Variants in TMEM242 observed in about 807,000 individuals in gnomAD.
The protein encoded by TMEM242 is UPF0463 transmembrane protein C6orf35.
A neutral mutation model predicts 18.2 loss-of-function variants in TMEM242; 10 were observed. That is an observed-to-expected ratio of 0.55 (90% CI 0.34 to 0.93). The LOEUF (loss-of-function observed/expected upper bound fraction) is 0.93. Among genes scored for constraint, TMEM242 ranks in the 40% least tolerant of loss-of-function variants. The pLI is 0.02. For synonymous variants in TMEM242, 57 were observed against 69.9 expected (o/e 0.81, Z 0.92); for missense variants, 186 against 175.5 (o/e 1.06, Z -0.34).
intron 3 of TMEM242, among the ~76,000 whole-genome samples, chr6:157,313,106 C>G (rs1554249619): frequency 2.0e-5 from 3 of 148,790 alleles, no homozygotes; most frequent in South Asian, 2.2e-4. Flanking sequence ...CAAAGTGTCC[C>G]AGTGTGTGCT....
At chr6:157,310,843 C>T in intron 3 of TMEM242, among the ~76,000 whole-genome samples, 1 of 139,872 alleles carries the variant, frequency 7.1e-6, no homozygotes, top group Non-Finnish European at 1.6e-5. Flanking sequence ...TCATAGTGTC[C>T]CAGTGTGCAC....
At chr6:157,307,115 G>A (rs1206745939) in intron 3 of TMEM242, among the ~76,000 whole-genome samples, 2 of 152,098 alleles carry the variant, frequency 1.3e-5, no homozygotes, top group East Asian at 1.9e-4. Context: ...CTTTTAAAAC[G>A]GAGCTTGAGG....
chr6:157,312,563 A>T (rs1554249311), intron 3 of TMEM242, among the ~76,000 whole-genome samples: 1 of 149,906 alleles, frequency 6.7e-6, no homozygotes, highest in Non-Finnish European at 1.5e-5. Context: ...ATAGTGCCCC[A>T]GTGTACGCTC....
intron 2 of TMEM242, among the ~76,000 whole-genome samples, chr6:157,320,008 T>C (rs782611175): frequency 2.0e-5 from 3 of 152,220 alleles, no homozygotes; most frequent in Non-Finnish European, 4.4e-5. Context: ...TTAGATATTA[T>C]CAATGTTAGA....
intron 1 of TMEM242, 96 bp downstream of exon 1, chr6:157,323,316 C>T: frequency 7.5e-7 from 1 of 1,341,942 alleles, no homozygotes; most frequent in Non-Finnish European, 1.0e-6. Flanking sequence ...TAAGGGCTCT[C>T]AGAGCGGGAT....
rs587701299 is a variant in TMEM242 at position 157,322,291 on chromosome 6, T to G, written c.189+414A>C. Reference sequence around the variant, plus strand: ...GACTACAGGAGTGCCACACCACACCTGGCTCATTTTTGTATTTTTAGTAGA... The same window carrying G: ...GACTACAGGAGTGCCACACCACACCGGGCTCATTTTTGTATTTTTAGTAGA... On this transcript the variant is annotated intron_variant, in intron 2 of 3. Coordinates refer to ENST00000400788, the MANE Select transcript of TMEM242 (RefSeq NM_018452.6). 4.6e-5 allele frequency among the ~76,000 whole-genome samples: 7 copies of G among 152,258 alleles called. No homozygotes were observed. In the East Asian group the frequency reaches 1.4e-3, roughly 29 times the overall value.
chr6:157,293,614 G>A lies in TMEM242; in HGVS notation c.328-615C>T, dbSNP rs186990704. Among the ~76,000 whole-genome samples the A allele has an allele frequency of 2.0e-5, 3 of 151,328 alleles. No individual in the cohort carries two copies. The East Asian group carries it at 5.8e-4, about 29-fold the overall frequency. On this transcript the variant is annotated intron_variant, in intron 3 of 3. Transcript: ENST00000400788. Reference sequence around the variant, plus strand: ...GGAGTTTCGTCAAGAATAAATCAAGGAATGGTAGATAAACTGGAATGTTCT... The same window carrying A: ...GGAGTTTCGTCAAGAATAAATCAAGAAATGGTAGATAAACTGGAATGTTCT...
chr6:157,316,790 T>G (rs1778399819), intron 3 of TMEM242, among the ~76,000 whole-genome samples: 4 of 152,084 alleles, frequency 2.6e-5, no homozygotes. Context: ...GTGGGAAGGT[T>G]GCTCGAGCCC....
chr6:157,315,249 C>T (rs1336288466), intron 3 of TMEM242, among the ~76,000 whole-genome samples: 1 of 152,170 alleles, frequency 6.6e-6, no homozygotes, highest in Non-Finnish European at 1.5e-5. Context: ...AGGGTCATAC[C>T]ATAAGAATTT....
intron 1 of TMEM242, 49 bp from the exon 2 acceptor site, chr6:157,322,854 A>T: frequency 6.8e-7 from 1 of 1,468,250 alleles, no homozygotes; most frequent in Non-Finnish European, 9.4e-7. Context: ...AAATTAAATA[A>T]AAAGAGGTTA....
intron 3 of TMEM242, among the ~76,000 whole-genome samples, chr6:157,313,059 C>A (rs1554249592): frequency 6.6e-6 from 1 of 151,370 alleles, no homozygotes; most frequent in African/African-American, 2.4e-5. Context: ...CACCTGGCCT[C>A]ATCATAGGGT....
chr6:157,311,333 T>A (rs1554248734), intron 3 of TMEM242, among the ~76,000 whole-genome samples: 21 of 138,264 alleles, frequency 1.5e-4, no homozygotes, highest in Non-Finnish European at 2.6e-4. Flanking sequence ...CCTAGCCTCA[T>A]CATAGTGTCC....
chr6:157,307,021 C>T (rs1481456645), intron 3 of TMEM242, among the ~76,000 whole-genome samples: 2 of 152,154 alleles, frequency 1.3e-5, no homozygotes, highest in African/African-American at 4.8e-5. Flanking sequence ...TGAATACTTA[C>T]AAACTGTACA....
At chr6:157,311,811 A>G (rs1554248993) in intron 3 of TMEM242, among the ~76,000 whole-genome samples, 1 of 50,694 alleles carries the variant, frequency 2.0e-5, no homozygotes, top group Non-Finnish European at 3.8e-5. Context: ...GAGCCTCATT[A>G]TAGTGTCCCA....
At chr6:157,299,682 C>T (rs1777800769) in intron 3 of TMEM242, 1 of 1,610,890 alleles carries the variant, frequency 6.2e-7, no homozygotes, top group South Asian at 1.1e-5. Context: ...TTTCGCTGGA[C>T]TAAATTAAGG....
chr6:157,315,866 C>A (rs782412405), intron 3 of TMEM242, among the ~76,000 whole-genome samples: 1 of 152,128 alleles, frequency 6.6e-6, no homozygotes, highest in African/African-American at 2.4e-5. Flanking sequence ...AAATGATATA[C>A]CACTGTGTGA....
chr6:157,301,602 G>A (rs147043510), intron 3 of TMEM242, among the ~76,000 whole-genome samples: 2,159 of 152,264 alleles, frequency 0.014, 48 homozygotes, highest in African/African-American at 0.049. Flanking sequence ...ATAAGCCAAC[G>A]CGCCTGGCCG....
chr6:157,308,739 G>T (rs1299830286), intron 3 of TMEM242, among the ~76,000 whole-genome samples: 6 of 147,870 alleles, frequency 4.1e-5, no homozygotes, highest in Non-Finnish European at 7.5e-5. Flanking sequence ...AGAGATACAG[G>T]AAGAAAGAGA....
At chr6:157,314,057 TGTGCGCTCACCCGGCCTCATCATAGAGC>T in intron 3 of TMEM242, among the ~76,000 whole-genome samples, 1 of 38,914 alleles carries the variant, frequency 2.6e-5, no homozygotes, top group African/African-American at 8.3e-5. Context: ...AGTGCCGCAG[TGTGCGCTCACCCGGCCTCATCATAGAGC>T]CCCAGTGTGC....
Sources: gnomAD v4.1 joint callset for allele counts (sites outside exome capture counted in the v4.1 genomes callset) on GRCh38, gnomAD v4.1.1 for gene constraint, MANE v1.5 for transcripts, NCBI Gene and HGNC (gene_info 2026-07-23, HGNC 2026-07-21) for gene names.